RFX8: variants seen among roughly 807,000 people sequenced by gnomAD.
RFX8 encodes regulatory factor X8, also known as DNA-binding protein RFX8.
In RFX8, 46 loss-of-function variants were observed where a neutral mutation model predicts 54.6. The ratio of observed to expected loss-of-function variants is 0.84; its 90% CI spans 0.67 to 1.08. RFX8 has a LOEUF of 1.08. Among genes scored for constraint, RFX8 ranks in the 50% least tolerant of loss-of-function variants. The pLI is 0.00. For missense variants in RFX8, 536 were observed against 562.3 expected (o/e 0.95, Z 0.47); for synonymous variants, 192 against 209.5 (o/e 0.92, Z 0.72).
intron 1 of RFX8, among the ~76,000 whole-genome samples, chr2:101,468,477 A>T (rs1424467816): frequency 6.6e-6 from 1 of 151,500 alleles, no homozygotes; most frequent in African/African-American, 2.4e-5. Context: ...TTTAGTAGAG[A>T]CGGGGTTTTG....
chr2:101,425,307 A>C (rs1354051516), intron 2 of RFX8, among the ~76,000 whole-genome samples: 6 of 152,132 alleles, frequency 3.9e-5, no homozygotes, highest in Admixed American at 3.9e-4. Flanking sequence ...GCATTCTCAA[A>C]CACATCAGAA....
rs1319568845 is a variant in RFX8, at chr2:101,471,991, A to ACTACCCACCACTGCT, written c.-53+2630_-53+2644dup. The stretch of plus-strand genomic sequence containing the variant: ...CAGGCGTTCAGACCCCTCGCCCTGC[A>ACTACCCACCACTGCT]CTACCCACCACTGCTCCTCCAGCAT... On this transcript the variant is annotated intron_variant, in intron 1 of 11. Coordinates refer to ENST00000428343, the MANE Select transcript of RFX8 (RefSeq NM_001145664.2). Among the ~76,000 whole-genome samples the ACTACCCACCACTGCT allele has an allele frequency of 1.2e-3, 187 of 152,324 alleles. 4 individuals carry two copies. Among genetic ancestry groups the ACTACCCACCACTGCT allele is most frequent in the Middle Eastern group, 3.4e-3 (1 of 294 alleles).
Position 101,417,603 on chromosome 2 carries a change from T to C in RFX8, c.433A>G (p.Lys145Glu). Residue 145 changes from lysine to glutamate, a missense_variant, in exon 6 of 12, where the codon AAA (lysine) becomes GAA (glutamate). By Grantham distance (56) the Lys-to-Glu change is moderately conservative. Coordinates refer to ENST00000428343, the MANE Select transcript of RFX8 (RefSeq NM_001145664.2). The part of the protein sequence containing the change: ...YLKSVQLFSK[K>E]FKLWLLNALE... ...GCATTAAGGAGCCACAGCTTAAATT[T>C]CTTACTAAATAACTGCACAGATTTC... 6.4e-7 allele frequency: 1 copy of C among 1,551,758 alleles called. No homozygotes were observed. Among genetic ancestry groups the C allele is most frequent in the Non-Finnish European group, 8.7e-7 (1 of 1,146,916 alleles).
At chr2:101,437,521 T>C (rs1327346708) in intron 2 of RFX8, among the ~76,000 whole-genome samples, 1 of 150,112 alleles carries the variant, frequency 6.7e-6, no homozygotes, top group Non-Finnish European at 1.5e-5. Flanking sequence ...AAGGCTGCAG[T>C]GAGCCATGAT....
intron 1 of RFX8, among the ~76,000 whole-genome samples, chr2:101,472,691 A>G (rs113432379): frequency 1.0e-3 from 155 of 152,328 alleles, no homozygotes; most frequent in African/African-American, 3.6e-3. Context: ...TGATGAGCCA[A>G]AACAAACAAA....
At chr2:101,469,080 G>GTATATATATA (rs1491455388) in intron 1 of RFX8, among the ~76,000 whole-genome samples, 9 of 8,066 alleles carry the variant, frequency 1.1e-3, no homozygotes, top group East Asian at 4.9e-3. Flanking sequence ...ATATATATAA[G>GTATATATATA]TGTATATATA....
At chr2:101,456,523 T>C (rs190426256) in intron 2 of RFX8, among the ~76,000 whole-genome samples, 226 of 152,336 alleles carry the variant, frequency 1.5e-3, no homozygotes, top group Admixed American at 2.8e-3. Flanking sequence ...TTTATTGATT[T>C]GCGTATGTTG....
chr2:101,465,579 G>A (rs1689528921), intron 2 of RFX8, among the ~76,000 whole-genome samples: 1 of 152,084 alleles, frequency 6.6e-6, no homozygotes, highest in Admixed American at 6.5e-5. Context: ...ATAGGAATAA[G>A]AGAATAACTA....
At chr2:101,467,433 CCT>C (rs1347805485) in intron 1 of RFX8, among the ~76,000 whole-genome samples, 2 of 152,108 alleles carry the variant, frequency 1.3e-5, no homozygotes, top group Non-Finnish European at 2.9e-5. Flanking sequence ...TTCTTAAACC[CCT>C]GTGGTTTAGG....
rs72825067 is a variant in RFX8 at position 101,410,417 on chromosome 2, A to T, written c.813+202T>A. 7.7e-3 allele frequency among the ~76,000 whole-genome samples: 1,145 copies of T among 147,896 alleles called. 4 individuals carry two copies. The highest frequency in any genetic ancestry group is 0.013 in the African/African-American group (497 of 39,504). ...CACACACACACACACACACACACAC[A>T]CTTATGTGATGTGCTCCACCAGACC... On this transcript the variant is annotated intron_variant, in intron 9 of 11. Transcript: ENST00000428343.
chr2:101,449,496 A>T (rs924736221), intron 2 of RFX8, among the ~76,000 whole-genome samples: 9 of 152,166 alleles, frequency 5.9e-5, no homozygotes, highest in African/African-American at 2.2e-4. Context: ...TTTGTGACCC[A>T]CGGGGGTCAG....
chr2:101,406,118 G>T, intron 9 of RFX8, 61 bp from the exon 10 acceptor site: 1 of 906,716 alleles, frequency 1.1e-6, no homozygotes, highest in Non-Finnish European at 1.7e-6. Flanking sequence ...AGCATAGTAT[G>T]TTTTCAAATG....
intron 1 of RFX8, among the ~76,000 whole-genome samples, chr2:101,473,668 G>T (rs1245470087): frequency 1.3e-5 from 2 of 152,180 alleles, no homozygotes; most frequent in Admixed American, 6.5e-5. Flanking sequence ...TATTTAAGAA[G>T]ATCTGCAACC....
chr2:101,423,717 A>G (rs1489166187), intron 2 of RFX8, among the ~76,000 whole-genome samples: 4 of 152,142 alleles, frequency 2.6e-5, no homozygotes, highest in Non-Finnish European at 5.9e-5. Context: ...GTTCCTGTCT[A>G]TAAGACATCT....
intron 2 of RFX8, among the ~76,000 whole-genome samples, chr2:101,434,312 A>T (rs1170582602): frequency 1.3e-5 from 2 of 152,250 alleles, no homozygotes; most frequent in East Asian, 3.8e-4. Flanking sequence ...CTTTCTTTAA[A>T]ATCTGGTCTT....
rs370035007 is a variant in RFX8, at chr2:101,469,915, G to A, written c.-52-3015C>T. On this transcript the variant is annotated intron_variant, in intron 1 of 11. Transcript: ENST00000428343. ...CTTCGGATGTGAGCCCTGTGTGGCTGCCTTGATCCTGGCAGTTCCAAGAGA... is the reference window on the plus strand; with the variant it reads ...CTTCGGATGTGAGCCCTGTGTGGCTACCTTGATCCTGGCAGTTCCAAGAGA... Among the ~76,000 whole-genome samples the A allele has an allele frequency of 4.3e-4, 65 of 152,284 alleles. 2 individuals carry two copies. The East Asian group carries it at 7.3e-3, about 17-fold the overall frequency.
At chr2:101,407,010 A>T (rs1476534577) in intron 9 of RFX8, among the ~76,000 whole-genome samples, 3 of 152,200 alleles carry the variant, frequency 2.0e-5, no homozygotes, top group Admixed American at 2.0e-4. Context: ...GACAGAGAGC[A>T]GCCTTGGGCC....
chr2:101,432,848 G>A (rs1229057104), intron 2 of RFX8, among the ~76,000 whole-genome samples: 4 of 152,174 alleles, frequency 2.6e-5, no homozygotes, highest in African/African-American at 9.7e-5. Flanking sequence ...CCAAATCACC[G>A]AGTTAGAGAA....
chr2:101,409,230 G>A (rs939506480), intron 9 of RFX8, among the ~76,000 whole-genome samples: 2 of 152,052 alleles, frequency 1.3e-5, no homozygotes, highest in Non-Finnish European at 2.9e-5. Context: ...TTGTTTGTTT[G>A]TTTGTTTTTT....
Sources: allele counts gnomAD v4.1 joint callset (sites outside exome capture counted in the v4.1 genomes callset), GRCh38; gene constraint gnomAD v4.1.1; transcripts MANE v1.5; gene names NCBI Gene and HGNC (gene_info 2026-07-23, HGNC 2026-07-21).